FRK: variants seen among roughly 807,000 people sequenced by gnomAD.
FRK encodes the protein fyn related Src family tyrosine kinase.
In FRK, 51 loss-of-function variants were observed where a neutral mutation model predicts 56.4. That is an observed-to-expected ratio of 0.90 (90% CI 0.72 to 1.14). FRK has a LOEUF of 1.14. Ranked by LOEUF, FRK falls within the 50% of genes most tolerant of loss-of-function variation. FRK has a pLI of 0.00. For missense variants in FRK, 570 were observed against 601.4 expected (o/e 0.95, Z 0.55); for synonymous variants, 245 against 217.9 (o/e 1.12, Z -1.10).
intron 1 of FRK, among the ~76,000 whole-genome samples, chr6:116,018,766 C>T (rs1415047414): frequency 6.6e-6 from 1 of 152,102 alleles, no homozygotes; most frequent in African/African-American, 2.4e-5. Flanking sequence ...AAAGACATTT[C>T]CACCATGCTC....
At chr6:116,069,189 T>C in the FRK span, among the ~76,000 whole-genome samples, 1 of 152,250 alleles carries the variant, frequency 6.6e-6, no homozygotes, top group Admixed American at 6.5e-5. Context: ...CTATCAAATT[T>C]CCCCAAAATA....
the FRK span, among the ~76,000 whole-genome samples, chr6:116,076,797 T>A: frequency 6.6e-6 from 1 of 152,250 alleles, no homozygotes; most frequent in Non-Finnish European, 1.5e-5. Context: ...ATGAGTGCCC[T>A]ATGCACTGAT....
At chr6:115,956,718 G>C (rs1289509788) in intron 4 of FRK, 108 bp from the exon 5 acceptor site, 6 of 822,370 alleles carry the variant, frequency 7.3e-6, no homozygotes, top group East Asian at 5.4e-5. Flanking sequence ...AGTAGAGTAA[G>C]AGCCTCAGTA....
In FRK at chr6:116,003,861, A is replaced by C; in HGVS notation, c.466+16T>G. 6.2e-7 allele frequency: 1 copy of C among 1,612,856 alleles called. No individual in the cohort carries two copies. The highest frequency in any genetic ancestry group is 8.5e-7 in the Non-Finnish European group (1 of 1,179,660). ...CTCTCAAGCTCATATTGAATGACAC[A>C]AAACAATACCCTTACCTGAAAGAGA... On this transcript the variant is annotated intron_variant, in intron 2 of 7. Coordinates refer to ENST00000606080, the MANE Select transcript of FRK (RefSeq NM_002031.3).
intron 1 of FRK, among the ~76,000 whole-genome samples, 156 bp downstream of exon 1, chr6:116,059,812 G>T (rs1041349228): frequency 6.6e-6 from 1 of 152,164 alleles, no homozygotes; most frequent in Non-Finnish European, 1.5e-5. Flanking sequence ...CACTTAGCGG[G>T]GGAGGTGTGT....
intron 5 of FRK, among the ~76,000 whole-genome samples, chr6:115,946,164 AT>A (rs1357781425): frequency 6.6e-6 from 1 of 152,118 alleles, no homozygotes; most frequent in African/African-American, 2.4e-5. Context: ...CATAAATTCC[AT>A]TAGACTCATG....
intron 2 of FRK, among the ~76,000 whole-genome samples, chr6:115,985,197 C>T (rs142633916): frequency 1.3e-5 from 2 of 152,128 alleles, no homozygotes; most frequent in East Asian, 3.9e-4. Flanking sequence ...ATAAATACAC[C>T]TAAATCAGGG....
At chr6:115,979,409 A>T (rs928574362) in intron 2 of FRK, among the ~76,000 whole-genome samples, 2 of 152,170 alleles carry the variant, frequency 1.3e-5, no homozygotes, top group African/African-American at 4.8e-5. Context: ...ATTTTTGTAG[A>T]GCTGTAAAAT....
At chr6:115,958,729 A>T in intron 4 of FRK, among the ~76,000 whole-genome samples, 1 of 32,164 alleles carries the variant, frequency 3.1e-5, no homozygotes, top group African/African-American at 1.0e-4. Context: ...GAAAGAAAGA[A>T]AGAAAGAAAG....
At chr6:116,076,229 A>AT in the FRK span, among the ~76,000 whole-genome samples, 1 of 152,132 alleles carries the variant, frequency 6.6e-6, no homozygotes, top group African/African-American at 2.4e-5. Context: ...GAAATTATTC[A>AT]TTTTTTTCTT....
At chr6:116,087,844 C>T in the FRK span, among the ~76,000 whole-genome samples, 1 of 152,214 alleles carries the variant, frequency 6.6e-6, no homozygotes, top group Non-Finnish European at 1.5e-5. Context: ...CTCATACATG[C>T]TCATTTTCAT....
At chr6:116,053,579 C>T (rs1777260248) in intron 1 of FRK, among the ~76,000 whole-genome samples, 1 of 152,020 alleles carries the variant, frequency 6.6e-6, no homozygotes, top group African/African-American at 2.4e-5. Flanking sequence ...AAAAGTAAAC[C>T]AATTTGAATC....
At chr6:115,960,314 C>T (rs1461694885) in intron 4 of FRK, among the ~76,000 whole-genome samples, 1 of 151,158 alleles carries the variant, frequency 6.6e-6, no homozygotes, top group East Asian at 2.0e-4. Flanking sequence ...GTCACTCCCA[C>T]CCGAATATTG....
chr6:116,067,025 A>C, the FRK span, among the ~76,000 whole-genome samples: 6 of 152,138 alleles, frequency 3.9e-5, no homozygotes, highest in African/African-American at 1.4e-4. Flanking sequence ...AGAGGTAATC[A>C]AGTTAAAATG....
At chr6:116,043,784 T>C (rs909203191) in intron 1 of FRK, among the ~76,000 whole-genome samples, 4 of 151,968 alleles carry the variant, frequency 2.6e-5, no homozygotes, top group Non-Finnish European at 5.9e-5. Context: ...CTTCAAAAAA[T>C]CAATGAATCC....
chr6:116,081,552 G>A, the FRK span, among the ~76,000 whole-genome samples: 6,341 of 152,152 alleles, frequency 0.042, 219 homozygotes, highest in African/African-American at 0.094. Flanking sequence ...TAGCTACTCA[G>A]GAGGCTGAGG....
At chr6:115,975,652 AC>A (rs1773965496) in intron 2 of FRK, among the ~76,000 whole-genome samples, 1 of 152,182 alleles carries the variant, frequency 6.6e-6, no homozygotes, top group African/African-American at 2.4e-5. Context: ...TTTGTGAAAT[AC>A]TATGAGTTCA....
At chr6:116,010,556 G>C (rs1775423917) in intron 1 of FRK, among the ~76,000 whole-genome samples, 1 of 152,176 alleles carries the variant, frequency 6.6e-6, no homozygotes, top group Admixed American at 6.5e-5. Context: ...AAGAGACGAT[G>C]TGACACCAGG....
chr6:116,003,146 G>C (rs1010464704), intron 2 of FRK, among the ~76,000 whole-genome samples: 2 of 152,140 alleles, frequency 1.3e-5, no homozygotes, highest in African/African-American at 4.8e-5. Flanking sequence ...ATTTAAAGGG[G>C]ATGATAACAC....
Sources: allele counts gnomAD v4.1 joint callset (sites outside exome capture counted in the v4.1 genomes callset), GRCh38; gene constraint gnomAD v4.1.1; transcripts MANE v1.5; gene names NCBI Gene and HGNC (gene_info 2026-07-23, HGNC 2026-07-21).